Variants in PCDHA11 observed in about 807,000 individuals in gnomAD.
PCDHA11 encodes protocadherin alpha 11, also known as protocadherin alpha-11.
In PCDHA11, 61 loss-of-function variants were observed where a neutral mutation model predicts 70.3. The observed-to-expected ratio is 0.87, with a 90% CI of 0.71 to 1.07. PCDHA11 has a LOEUF of 1.07. Among genes scored for constraint, PCDHA11 ranks in the 50% least tolerant of loss-of-function variants. The pLI is 0.00. For synonymous variants in PCDHA11, 633 were observed against 555.1 expected, an observed-to-expected ratio of 1.14 and a Z score of -1.97; for missense variants, 1,324 against 1,237.5, an observed-to-expected ratio of 1.07 and a Z score of -1.05.
intron 2 of PCDHA11, among the ~76,000 whole-genome samples, chr5:140,981,648 C>T (rs1294806137): frequency 6.6e-6 from 1 of 152,020 alleles, no homozygotes; most frequent in Non-Finnish European, 1.5e-5. Context: ...TCTTAGGATC[C>T]CACTTATTTC....
chr5:140,948,895 A>G (rs1192387448), intron 1 of PCDHA11, among the ~76,000 whole-genome samples: 1 of 151,548 alleles, frequency 6.6e-6, no homozygotes, highest in Non-Finnish European at 1.5e-5. Flanking sequence ...TTAGATTTTA[A>G]GTGGATTCTT....
chr5:140,921,740 C>T (rs923518440), intron 1 of PCDHA11, among the ~76,000 whole-genome samples: 1 of 152,052 alleles, frequency 6.6e-6, no homozygotes, highest in Non-Finnish European at 1.5e-5. Flanking sequence ...AAATTATAAG[C>T]ATAACAGGAC....
At chr5:140,943,761 A>T (rs1219179710) in intron 1 of PCDHA11, among the ~76,000 whole-genome samples, 1 of 152,248 alleles carries the variant, frequency 6.6e-6, no homozygotes, top group Non-Finnish European at 1.5e-5. Context: ...TAGGAGATGT[A>T]GGAAAAAAAC....
At chr5:140,940,572 C>G (rs1315567614) in intron 1 of PCDHA11, among the ~76,000 whole-genome samples, 1 of 152,096 alleles carries the variant, frequency 6.6e-6, no homozygotes, top group African/African-American at 2.4e-5. Context: ...CCTTGGCTCC[C>G]AAAGTGTTGG....
intron 1 of PCDHA11, among the ~76,000 whole-genome samples, chr5:140,879,426 G>T (rs2057986144): frequency 6.6e-6 from 1 of 152,302 alleles, no homozygotes; most frequent in South Asian, 2.1e-4. Flanking sequence ...GAATGGAGAT[G>T]AACATTTAAG....
chr5:140,909,066 T>G (rs1554193625), intron 1 of PCDHA11, among the ~76,000 whole-genome samples: 1 of 152,200 alleles, frequency 6.6e-6, no homozygotes, highest in African/African-American at 2.4e-5. Flanking sequence ...GTCTCACCAA[T>G]AAGCCCAGTG....
intron 1 of PCDHA11, chr5:140,927,596 G>T: frequency 6.2e-7 from 1 of 1,614,162 alleles, no homozygotes; most frequent in Non-Finnish European, 8.5e-7. Context: ...GTATTTGAGC[G>T]CTCCGTATAC....
chr5:140,927,011 C>T, intron 1 of PCDHA11: 1 of 1,612,606 alleles, frequency 6.2e-7, no homozygotes, highest in Non-Finnish European at 8.5e-7. Context: ...GGCAATCTCT[C>T]CGCGGACTTG....
At chr5:140,966,505 A>T in intron 1 of PCDHA11, 1 of 427,984 alleles carries the variant, frequency 2.3e-6, no homozygotes, top group Non-Finnish European at 4.1e-6. Context: ...CTGTAGCGGC[A>T]GCAGCAGCAG....
intron 1 of PCDHA11, among the ~76,000 whole-genome samples, chr5:140,935,798 G>T (rs1302798386): frequency 6.6e-6 from 1 of 151,552 alleles, no homozygotes; most frequent in Non-Finnish European, 1.5e-5. Context: ...ATATAAACGA[G>T]ATTATTTCAT....
chr5:140,924,116 G>C (rs2081683465), intron 1 of PCDHA11, among the ~76,000 whole-genome samples: 1 of 152,178 alleles, frequency 6.6e-6, no homozygotes, highest in African/African-American at 2.4e-5. Flanking sequence ...AAAGCAGTTA[G>C]CTTGCTTAGC....
chr5:140,869,892 A>C lies in PCDHA11; in HGVS notation c.789A>C (p.Lys263Asn). 2 of 1,610,608 alleles carry C rather than the reference A, an allele frequency of 1.2e-6. No homozygotes were observed. The highest frequency in any genetic ancestry group is 1.7e-6 in the Non-Finnish European group (2 of 1,178,194). Residue 263 changes from lysine to asparagine, a missense_variant, in exon 1 of 4, where the codon AAA becomes AAC. Transcript: ENST00000398640. ...ENAAKETLVL[K>N]LNATDRDEGV... ...CTGCTAAAGAAACTCTTGTGCTCAA[A>C]CTAAACGCCACAGACCGAGACGAAG...
chr5:140,965,496 ATTT>A (rs71766133), intron 1 of PCDHA11, among the ~76,000 whole-genome samples: 1 of 146,428 alleles, frequency 6.8e-6, no homozygotes. Flanking sequence ...ATGACAGCAG[ATTT>A]TTTTTTTTTT....
chr5:140,875,028 G>C (rs1321534427), intron 1 of PCDHA11, among the ~76,000 whole-genome samples: 1 of 152,198 alleles, frequency 6.6e-6, no homozygotes, highest in Non-Finnish European at 1.5e-5. Flanking sequence ...CTGGCCTACT[G>C]TATTTGAAAG....
At chr5:140,928,752 T>C (rs781823494) in intron 1 of PCDHA11, 3 of 1,614,208 alleles carry the variant, frequency 1.9e-6, no homozygotes, top group Non-Finnish European at 2.5e-6. Context: ...AGCTCCGTAC[T>C]GCTCGCTTAG....
intron 3 of PCDHA11, among the ~76,000 whole-genome samples, chr5:141,000,421 A>ATTTTTTTTTTT (rs34755515): frequency 3.6e-5 from 1 of 27,968 alleles, no homozygotes; most frequent in Non-Finnish European, 5.7e-5. Context: ...ATATATATAT[A>ATTTTTTTTTTT]TTTTTTTTTT....
At chr5:140,985,982 G>A (rs1380609067) in intron 3 of PCDHA11, among the ~76,000 whole-genome samples, 3 of 151,940 alleles carry the variant, frequency 2.0e-5, no homozygotes, top group East Asian at 1.9e-4. Flanking sequence ...CTCGTGATCC[G>A]CCCACCTCAG....
chr5:140,989,253 G>A (rs886150768), intron 3 of PCDHA11, among the ~76,000 whole-genome samples: 4 of 152,194 alleles, frequency 2.6e-5, no homozygotes, highest in Non-Finnish European at 1.5e-5. Flanking sequence ...CTTGTCAAAA[G>A]GGAGATTCAA....
At chr5:140,906,162 G>A (rs1421474866) in intron 1 of PCDHA11, among the ~76,000 whole-genome samples, 1 of 152,064 alleles carries the variant, frequency 6.6e-6, no homozygotes, top group Non-Finnish European at 1.5e-5. Flanking sequence ...GACACACCCA[G>A]GAACAATACT....
Sources: gnomAD v4.1 joint callset for allele counts (sites outside exome capture counted in the v4.1 genomes callset) on GRCh38, gnomAD v4.1.1 for gene constraint, MANE v1.5 for transcripts, NCBI Gene and HGNC (gene_info 2026-07-23, HGNC 2026-07-21) for gene names.